The following CCDC77 variants were observed in gnomAD, a reference collection of about 807,000 sequenced individuals.
CCDC77 encodes the protein coiled-coil domain containing 77.
In CCDC77, 56 loss-of-function variants were observed where a neutral mutation model predicts 66.8. The ratio of observed to expected loss-of-function variants is 0.84; its 90% CI spans 0.68 to 1.05. CCDC77 has a LOEUF of 1.05. Among genes scored for constraint, CCDC77 ranks in the 50% least tolerant of loss-of-function variants. The pLI, the probability that CCDC77 is intolerant of heterozygous loss-of-function variation, is 0.00. For synonymous variants in CCDC77, 196 were observed against 195.2 expected (o/e 1.00, Z -0.03); for missense variants, 570 against 576.8 (o/e 0.99, Z 0.12).
At chr12:441,505 G>C (rs1254593206) in intron 12 of CCDC77, among the ~76,000 whole-genome samples, 6 of 152,160 alleles carry the variant, frequency 3.9e-5, no homozygotes, top group Non-Finnish European at 8.8e-5. Context: ...CAGTAGTGTC[G>C]CTTATCCTGG....
intron 2 of CCDC77, among the ~76,000 whole-genome samples, chr12:408,077 G>A (rs903430586): frequency 3.9e-5 from 6 of 151,922 alleles, no homozygotes; most frequent in East Asian, 3.9e-4. Context: ...ATGAGCCACC[G>A]CACCCGGCCA....
chr12:422,845 C>A (rs532188354), intron 5 of CCDC77, among the ~76,000 whole-genome samples: 5 of 152,186 alleles, frequency 3.3e-5, no homozygotes, highest in Non-Finnish European at 7.3e-5. Context: ...AACTTCCAAG[C>A]TCAAGTGATC....
rs113900815 is a variant in CCDC77, at chr12:436,267, A to G, written c.822-2068A>G. Among the ~76,000 whole-genome samples the G allele has an allele frequency of 5.0e-3, 759 of 151,282 alleles. 6 individuals carry two copies. The highest frequency in any genetic ancestry group is 0.014 in the African/African-American group (594 of 41,252). On this transcript the variant is annotated intron_variant, in intron 9 of 12. Coordinates refer to ENST00000239830, the MANE Select transcript of CCDC77 (RefSeq NM_032358.4). ...TGAGTAGCTGGGACTACAGGCGCCCACCACCACGCCCGGCTAATTTTTTTT... is the reference window on the plus strand; with the variant it reads ...TGAGTAGCTGGGACTACAGGCGCCCGCCACCACGCCCGGCTAATTTTTTTT...
At chr12:416,355 G>GTATATATA (rs1565569017) in intron 4 of CCDC77, among the ~76,000 whole-genome samples, 6 of 31,746 alleles carry the variant, frequency 1.9e-4, no homozygotes, top group East Asian at 5.0e-3. Context: ...GTGTGTGTGT[G>GTATATATA]TGTGTGTGTG....
At chr12:412,647 G>A (rs527273288) in intron 4 of CCDC77, among the ~76,000 whole-genome samples, 15 of 152,336 alleles carry the variant, frequency 9.8e-5, no homozygotes, top group African/African-American at 3.4e-4. Context: ...TCTGGAATGG[G>A]TGTATGGATG....
At chr12:438,159 A>G (rs758539) in intron 9 of CCDC77, among the ~76,000 whole-genome samples, 176 bp from the exon 10 acceptor site, 150,390 of 152,312 alleles carry the variant, frequency 0.99, 74,284 homozygotes, top group South Asian at 1. Flanking sequence ...ATTATACTTT[A>G]CCCAGTAAAA....
chr12:403,640 G>A (rs1415299673), intron 1 of CCDC77, among the ~76,000 whole-genome samples: 4 of 152,092 alleles, frequency 2.6e-5, no homozygotes, highest in Non-Finnish European at 1.5e-5. Flanking sequence ...CTACAGGCAC[G>A]TGCCACCACT....
Position 433,253 on chromosome 12 carries a change from G to C in CCDC77, c.752G>C (p.Arg251Pro). ...ATTGAAGGGCTCATCGAGGACAGAC[G>C]GATTCACCTTGAGGAAATACAAGTT... The part of the protein sequence containing the change: ...EQIEGLIEDR[R>P]IHLEEIQVQH... Residue 251 changes from arginine (R) to proline (P), a missense_variant, in exon 9 of 13, where the codon CGG becomes CCG. Coordinates refer to ENST00000239830, the MANE Select transcript of CCDC77 (RefSeq NM_032358.4). The C allele has an allele frequency of 6.2e-7, 1 of 1,613,932 alleles. No homozygotes were observed. The highest frequency in any genetic ancestry group is 8.5e-7 in the Non-Finnish European group (1 of 1,179,970).
chr12:418,374 G>C (rs1945325944), intron 4 of CCDC77, 120 bp from the exon 5 acceptor site: 1 of 976,300 alleles, frequency 1.0e-6, no homozygotes. Context: ...TTTGAATTCT[G>C]TATTGGCAAA....
intron 4 of CCDC77, among the ~76,000 whole-genome samples, chr12:414,729 T>G (rs1945188587): frequency 6.6e-6 from 1 of 152,160 alleles, no homozygotes; most frequent in African/African-American, 2.4e-5. Flanking sequence ...CTACGGTTCT[T>G]CCAGTCCCCC....
intron 1 of CCDC77, among the ~76,000 whole-genome samples, chr12:393,507 T>C (rs150523718): frequency 1.3e-5 from 2 of 151,576 alleles, no homozygotes; most frequent in African/African-American, 4.8e-5. Context: ...TTTTTTACAC[T>C]GTTACATTAA....
At chr12:414,518 ACCTTGTTTTAT>A (rs1009146429) in intron 4 of CCDC77, among the ~76,000 whole-genome samples, 4 of 152,036 alleles carry the variant, frequency 2.6e-5, no homozygotes, top group Non-Finnish European at 4.4e-5. Context: ...ACTATAAATG[ACCTTGTTTTAT>A]CCTTGTATTA....
At chr12:423,470 G>GGT (rs1945455914) in intron 5 of CCDC77, among the ~76,000 whole-genome samples, 2 of 44,846 alleles carry the variant, frequency 4.5e-5, no homozygotes, top group East Asian at 1.1e-3. Context: ...TGTTTTTTGT[G>GGT]TTTTTTGTGT....
chr12:438,539 A>C lies in CCDC77; in HGVS notation c.1026A>C (p.Gln342His), dbSNP rs1945797216. ...LPVMHESHHA[Q>H]SEYIKSLKDK... ...TTATGCATGAGAGTCACCATGCTCA[A>C]AGTGAATATATTAAGGTAATGTCCT... The change falls in exon 10 of 13, where the codon CAA (glutamine) becomes CAC (histidine). Residue 342 changes from glutamine to histidine, a missense_variant. Coordinates refer to ENST00000239830, the MANE Select transcript of CCDC77 (RefSeq NM_032358.4). 6.2e-7 allele frequency: 1 copy of C among 1,611,660 alleles called. No individual in the cohort carries two copies. The highest frequency in any genetic ancestry group is 8.5e-7 in the Non-Finnish European group (1 of 1,178,228).
At position 430,780 on chromosome 12, in the gene CCDC77, T is replaced by C. The variant is rs200119431; in HGVS notation, c.583+44T>C. 9 of 1,509,874 alleles carry C rather than the reference T, an allele frequency of 6.0e-6. No individual in the cohort carries two copies. In the Admixed American group the frequency reaches 6.7e-5, roughly 11 times the overall value. 93.5% of individuals were successfully genotyped at this position (1,509,874 alleles called of 1,614,324 possible). A position where few individuals can be genotyped will look rare whatever the true frequency, so the allele number is the denominator to read the frequency against. On this transcript the variant is annotated intron_variant, in intron 7 of 12. Transcript: ENST00000239830. ...ATTAGAAATTCTCATCAATGCAGAA[T>C]TGAAAATCACAGTGCAGGCTGGGCG...
intron 4 of CCDC77, among the ~76,000 whole-genome samples, chr12:416,373 GTGTGTATATATATATA>G (rs1156620351): frequency 7.9e-4 from 20 of 25,290 alleles, no homozygotes; most frequent in African/African-American, 2.7e-3. Flanking sequence ...GTGTGTGTGT[GTGTGTATATATATATA>G]TATATATATA....
intron 9 of CCDC77, among the ~76,000 whole-genome samples, chr12:437,396 A>G (rs558979007): frequency 5.9e-5 from 9 of 152,318 alleles, no homozygotes; most frequent in African/African-American, 1.9e-4. Context: ...TCAGGCTGGG[A>G]AAAAGTGCAT....
intron 9 of CCDC77, among the ~76,000 whole-genome samples, chr12:434,832 T>G (rs1230979964): frequency 6.6e-6 from 1 of 152,236 alleles, no homozygotes; most frequent in Non-Finnish European, 1.5e-5. Context: ...TTTTGCCTGG[T>G]TCCAGTGGCC....
intron 9 of CCDC77, among the ~76,000 whole-genome samples, chr12:437,845 T>TTA (rs375690670): frequency 8.0e-6 from 1 of 124,514 alleles, no homozygotes; most frequent in Non-Finnish European, 1.6e-5. Context: ...GACCCTGTCT[T>TTA]AAAAAAAAAA....
Sources: allele counts gnomAD v4.1 joint callset (sites outside exome capture counted in the v4.1 genomes callset), GRCh38; gene constraint gnomAD v4.1.1; transcripts MANE v1.5; gene names NCBI Gene and HGNC (gene_info 2026-07-23, HGNC 2026-07-21).